Variants in VPS53 observed in about 807,000 individuals in gnomAD.
The protein encoded by VPS53 is VPS53 subunit of GARP complex.
VPS53 carries 70 observed loss-of-function variants against 107.0 expected under a neutral mutation model. The observed-to-expected ratio is 0.65, with a 90% CI of 0.54 to 0.80. The LOEUF (loss-of-function observed/expected upper bound fraction) is 0.80. Among genes scored for constraint, VPS53 ranks in the 30% least tolerant of loss-of-function variants. VPS53 has a pLI of 0.00. For missense variants in VPS53, 917 were observed against 1,049.4 expected (o/e 0.87, Z 1.74); for synonymous variants, 409 against 393.3 (o/e 1.04, Z -0.47).
chr17:603,790 C>A (rs907479267), intron 11 of VPS53, among the ~76,000 whole-genome samples: 1 of 152,160 alleles, frequency 6.6e-6, no homozygotes, highest in Non-Finnish European at 1.5e-5. Flanking sequence ...TATTTCTAAG[C>A]TTGAGTTGTC....
At chr17:672,151 C>CACACA (rs774752654) in intron 4 of VPS53, among the ~76,000 whole-genome samples, 1 of 140,468 alleles carries the variant, frequency 7.1e-6, no homozygotes, top group Non-Finnish European at 1.6e-5. Flanking sequence ...CACACACACA[C>CACACA]AATCTCTCTC....
intron 1 of VPS53, among the ~76,000 whole-genome samples, chr17:711,343 T>C (rs1014407749): frequency 6.6e-6 from 1 of 152,232 alleles, no homozygotes; most frequent in East Asian, 1.9e-4. Flanking sequence ...GTTACAACTG[T>C]GGGAAGCAAC....
intron 13 of VPS53, among the ~76,000 whole-genome samples, chr17:572,194 C>T (rs1292016589): frequency 6.6e-6 from 1 of 150,816 alleles, no homozygotes; most frequent in African/African-American, 2.4e-5. Flanking sequence ...TTTGCCCCGC[C>T]GCCCCGTCTG....
chr17:600,926 T>G (rs1968296502), intron 12 of VPS53: 1 of 152,276 alleles, frequency 6.6e-6, no homozygotes, highest in South Asian at 2.1e-4. Context: ...CACATTTGAT[T>G]GCATCATTTC....
chr17:710,645 C>T (rs1184851393), intron 1 of VPS53, 32 bp from the exon 2 acceptor site: 2 of 1,467,880 alleles, frequency 1.4e-6, no homozygotes, highest in Non-Finnish European at 9.5e-7. Flanking sequence ...TATATAAAAA[C>T]ATGTAGTATA....
chr17:614,051 G>C (rs1047507164), intron 11 of VPS53, among the ~76,000 whole-genome samples: 1 of 152,238 alleles, frequency 6.6e-6, no homozygotes, highest in South Asian at 2.1e-4. Context: ...CCGTTTATGT[G>C]AAGTGTCCAC....
intron 2 of VPS53, among the ~76,000 whole-genome samples, chr17:710,207 T>C (rs1440942939): frequency 6.6e-6 from 1 of 152,188 alleles, no homozygotes; most frequent in Non-Finnish European, 1.5e-5. Flanking sequence ...AGTGGCTTTA[T>C]GATTCTGGGC....
chr17:608,786 T>TA (rs1025092416), intron 11 of VPS53, among the ~76,000 whole-genome samples: 2 of 151,990 alleles, frequency 1.3e-5, no homozygotes, highest in African/African-American at 2.4e-5. Flanking sequence ...CTGCTCATTT[T>TA]AAAATTTTTT....
At chr17:583,687 G>A (rs916584954) in intron 13 of VPS53, among the ~76,000 whole-genome samples, 1 of 150,908 alleles carries the variant, frequency 6.6e-6, no homozygotes, top group African/African-American at 2.4e-5. Context: ...TGCGTTCCCA[G>A]AGAACTCCCT....
At chr17:649,802 T>C (rs1238189326) in intron 7 of VPS53, among the ~76,000 whole-genome samples, 1 of 152,248 alleles carries the variant, frequency 6.6e-6, no homozygotes, top group Non-Finnish European at 1.5e-5. Context: ...ACCCAGTGCT[T>C]TAACAAACAC....
chr17:665,715 A>G (rs571156931), intron 4 of VPS53, among the ~76,000 whole-genome samples: 1 of 152,318 alleles, frequency 6.6e-6, no homozygotes, highest in East Asian at 1.9e-4. Context: ...GTAGAAATAC[A>G]GACAGTAAGC....
intron 2 of VPS53, among the ~76,000 whole-genome samples, chr17:705,255 C>A (rs1039324852): frequency 6.6e-6 from 1 of 152,028 alleles, no homozygotes; most frequent in South Asian, 2.1e-4. Context: ...CATTACCCAT[C>A]CAGTCAGCCA....
intron 4 of VPS53, among the ~76,000 whole-genome samples, chr17:693,289 C>A (rs1972837298): frequency 6.6e-6 from 1 of 152,124 alleles, no homozygotes; most frequent in Admixed American, 6.5e-5. Context: ...TGTGGTGAAT[C>A]TCTTACTGTG....
At chr17:643,202 T>G (rs1597424567) in intron 7 of VPS53, among the ~76,000 whole-genome samples, 2 of 48,876 alleles carry the variant, frequency 4.1e-5, no homozygotes, top group Admixed American at 2.1e-4. Context: ...CACTCATACT[T>G]GGCAACTGAG....
intron 13 of VPS53, among the ~76,000 whole-genome samples, chr17:574,746 C>T (rs1196172475): frequency 6.6e-6 from 1 of 152,140 alleles, no homozygotes; most frequent in African/African-American, 2.4e-5. Context: ...TCTTAGCTGA[C>T]ACTGAGACCC....
chr17:531,639 C>CA (rs1281962105), intron 19 of VPS53, among the ~76,000 whole-genome samples: 1 of 152,036 alleles, frequency 6.6e-6, no homozygotes, highest in Non-Finnish European at 1.5e-5. Flanking sequence ...GCTGGGACTA[C>CA]AGGTGTGGAC....
intron 7 of VPS53, among the ~76,000 whole-genome samples, chr17:649,742 G>A (rs56080589): frequency 0.068 from 10,301 of 152,106 alleles, 451 homozygotes; most frequent in Non-Finnish European, 0.1. Flanking sequence ...CAGAGGAATG[G>A]AACAGGCACT....
chr17:637,755 A>G (rs1321430410), intron 7 of VPS53, among the ~76,000 whole-genome samples: 2 of 152,182 alleles, frequency 1.3e-5, no homozygotes, highest in Admixed American at 1.3e-4. Context: ...CCTGAGCTCT[A>G]GTTTGATTGC....
At chr17:543,564 G>C (rs1225629574) in intron 17 of VPS53, among the ~76,000 whole-genome samples, 1 of 151,690 alleles carries the variant, frequency 6.6e-6, no homozygotes, top group East Asian at 2.0e-4. Context: ...GAGACCAACA[G>C]CCCCTGCTAG....
Sources: gnomAD v4.1 joint callset for allele counts (sites outside exome capture counted in the v4.1 genomes callset) on GRCh38, gnomAD v4.1.1 for gene constraint, MANE v1.5 for transcripts, NCBI Gene and HGNC (gene_info 2026-07-23, HGNC 2026-07-21) for gene names.